MAP4K3: variants seen among roughly 807,000 people sequenced by gnomAD.
MAP4K3 encodes mitogen-activated protein kinase kinase kinase kinase 3.
MAP4K3 carries 94 observed loss-of-function variants against 143.5 expected under a neutral mutation model. That is an observed-to-expected ratio of 0.65 (90% confidence interval 0.55 to 0.78). The LOEUF (loss-of-function observed/expected upper bound fraction) is 0.78. Ranked by LOEUF, MAP4K3 falls within the 30% of genes least tolerant of loss-of-function variation. The pLI, the probability that MAP4K3 is intolerant of heterozygous loss-of-function variation, is 0.00. For missense variants in MAP4K3, 1,077 were observed against 1,068.1 expected (o/e 1.01, Z -0.12); for synonymous variants, 416 against 347.2 (o/e 1.20, Z -2.20).
intron 1 of MAP4K3, among the ~76,000 whole-genome samples, chr2:39,430,331 A>T (rs2148638037): frequency 6.6e-6 from 1 of 152,340 alleles, no homozygotes; most frequent in East Asian, 1.9e-4. Flanking sequence ...TTATGGTCAA[A>T]TCTAAAATTA....
intron 3 of MAP4K3, among the ~76,000 whole-genome samples, chr2:39,343,961 A>G (rs532488847): frequency 2.6e-5 from 4 of 152,308 alleles, no homozygotes; most frequent in African/African-American, 9.6e-5. Flanking sequence ...AAGCTGTTGT[A>G]ATCATATAGT....
chr2:39,392,274 G>A (rs186224151), intron 1 of MAP4K3, among the ~76,000 whole-genome samples: 1 of 150,838 alleles, frequency 6.6e-6, no homozygotes, highest in African/African-American at 2.4e-5. Context: ...GGGGAATGAA[G>A]ACTAAGTTTT....
At chr2:39,271,193 A>G (rs926385552) in intron 26 of MAP4K3, among the ~76,000 whole-genome samples, 2 of 152,194 alleles carry the variant, frequency 1.3e-5, no homozygotes, top group African/African-American at 2.4e-5. Flanking sequence ...AGCGTAGGTA[A>G]AATCATACCA....
At chr2:39,257,135 C>T (rs187072352) in intron 31 of MAP4K3, among the ~76,000 whole-genome samples, 29 of 152,274 alleles carry the variant, frequency 1.9e-4, no homozygotes, top group Middle Eastern at 3.4e-3. Flanking sequence ...TTAGCCTTAC[C>T]GTCTGCTAAT....
intron 8 of MAP4K3, among the ~76,000 whole-genome samples, chr2:39,328,147 A>G (rs1369221567): frequency 6.6e-6 from 1 of 152,152 alleles, no homozygotes; most frequent in African/African-American, 2.4e-5. Flanking sequence ...CCTGGGCAAC[A>G]TGGCAAAACC....
In MAP4K3 at chr2:39,288,126, G is replaced by A. The variant is rs750477737; in HGVS notation, c.1469C>T (p.Ala490Val). ...PPRLPPHKPV[A>V]LGNGMSSFQL... ...CTGTCACCCTCCACCATTACCTAAG[G>A]CAACAGGTTTGTGTGGGGGTAATCT... Residue 490 changes from alanine to valine, a missense_variant, in exon 20 of 34, where the codon GCC (alanine) becomes GTC (valine). Ala to Val is a moderately conservative substitution (Grantham distance 64). This residue lies in a region of MAP4K3 where 864 missense variants were observed against 801.2 expected (regional missense o/e 1.08). Coordinates refer to ENST00000263881, the MANE Select transcript of MAP4K3 (RefSeq NM_003618.4). 1 of 1,613,846 alleles carries A rather than the reference G, an allele frequency of 6.2e-7. No homozygotes were observed. Among genetic ancestry groups the A allele is most frequent in the Admixed American group, 1.7e-5 (1 of 59,992 alleles).
intron 24 of MAP4K3, 128 bp downstream of exon 24, chr2:39,278,274 AAAAAC>A (rs1252279617): frequency 3.7e-5 from 21 of 565,598 alleles, no homozygotes; most frequent in South Asian, 1.2e-4. Flanking sequence ...CTTGGTCTCA[AAAAAC>A]AAAACAAAAC....
At chr2:39,399,000 T>C (rs1666884791) in intron 1 of MAP4K3, among the ~76,000 whole-genome samples, 1 of 144,268 alleles carries the variant, frequency 6.9e-6, no homozygotes. Context: ...GCTGAGATCA[T>C]GCCATTGCAC....
At chr2:39,386,553 T>C (rs184391978) in intron 1 of MAP4K3, among the ~76,000 whole-genome samples, 2 of 152,362 alleles carry the variant, frequency 1.3e-5, no homozygotes, top group African/African-American at 4.8e-5. Context: ...AGTTTCATGA[T>C]ACATTTTGAG....
rs944175427 is a variant in MAP4K3 at position 39,436,995 on chromosome 2, C to G, written c.-8G>C. 1.9e-6 allele frequency: 3 copies of G among 1,607,384 alleles called. No individual in the cohort carries two copies. ...ATCGAAGCCGGGGTTCATGGCGGGC[C>G]CCAGGTGCCCCCCGCCTCCCTCCCG... On this transcript the variant is annotated 5_prime_UTR_variant, in exon 1 of 34. Transcript: ENST00000263881.
At chr2:39,371,239 AGTG>A (rs1666072808) in intron 2 of MAP4K3, among the ~76,000 whole-genome samples, 1 of 152,200 alleles carries the variant, frequency 6.6e-6, no homozygotes, top group Non-Finnish European at 1.5e-5. Flanking sequence ...ATTTAAATGA[AGTG>A]GTGTTTTGAT....
intron 16 of MAP4K3, among the ~76,000 whole-genome samples, chr2:39,296,111 G>A (rs1682272468): frequency 2.6e-5 from 4 of 152,126 alleles, no homozygotes; most frequent in Admixed American, 2.6e-4. Flanking sequence ...AAAGCAGATA[G>A]CCCATGGCTC....
intron 1 of MAP4K3, among the ~76,000 whole-genome samples, chr2:39,431,229 G>A (rs931631616): frequency 1.3e-5 from 2 of 152,192 alleles, no homozygotes; most frequent in Non-Finnish European, 2.9e-5. Flanking sequence ...TCCTCTATGA[G>A]TGCTGAGAGT....
intron 24 of MAP4K3, among the ~76,000 whole-genome samples, chr2:39,276,685 C>T (rs1049594649): frequency 2.6e-5 from 4 of 152,204 alleles, no homozygotes; most frequent in Non-Finnish European, 5.9e-5. Flanking sequence ...AAAAACACTG[C>T]GTGGACACAT....
intron 2 of MAP4K3, among the ~76,000 whole-genome samples, chr2:39,369,631 ATTC>A (rs1173889304): frequency 6.6e-6 from 1 of 152,110 alleles, no homozygotes; most frequent in Non-Finnish European, 1.5e-5. Context: ...CCATTCTCTT[ATTC>A]TACTAGCAAA....
chr2:39,356,666 T>C (rs1036579362), intron 2 of MAP4K3, among the ~76,000 whole-genome samples: 8 of 152,136 alleles, frequency 5.3e-5, no homozygotes, highest in East Asian at 3.8e-4. Flanking sequence ...AGTAAAATAA[T>C]AATAGCCTAT....
At chr2:39,290,749 C>A (rs1573103395) in intron 18 of MAP4K3, among the ~76,000 whole-genome samples, 1 of 152,154 alleles carries the variant, frequency 6.6e-6, no homozygotes, top group Admixed American at 6.5e-5. Flanking sequence ...TATTACTACT[C>A]TCTTATACCA....
Position 39,290,318 on chromosome 2 carries a change from T to C in MAP4K3, c.1288A>G (p.Lys430Glu), listed in dbSNP as rs370704144. 4 of 1,607,722 alleles carry C rather than the reference T, an allele frequency of 2.5e-6. No individual in the cohort carries two copies. In the African/African-American group the frequency reaches 4.0e-5, roughly 16 times the overall value. ...TTTGGTGGCAAAGGAGGTGGAATTT[T>C]TGCTTTCAGAGTTGAGCTAAAAACA... ...DESKHSTLKA[K>E]IPPPLPPKPK... The change falls in exon 19 of 34, where the codon AAA becomes GAA. Residue 430 changes from lysine (K) to glutamate (E), a missense_variant. Physicochemically the swap from Lys to Glu is moderately conservative, Grantham distance 56 (BLOSUM62 1). Around this residue, in one of 2 missense-constraint regions of MAP4K3, gnomAD observed 864 missense variants for 801.2 expected, o/e 1.08. Coordinates refer to ENST00000263881, the MANE Select transcript of MAP4K3 (RefSeq NM_003618.4).
chr2:39,334,820 A>G (rs1683809259), intron 6 of MAP4K3, among the ~76,000 whole-genome samples: 2 of 152,210 alleles, frequency 1.3e-5, no homozygotes, highest in African/African-American at 4.8e-5. Flanking sequence ...GTAGGAGGAA[A>G]AAACTTAAAA....
Sources: allele counts gnomAD v4.1 joint callset (sites outside exome capture counted in the v4.1 genomes callset), GRCh38; gene constraint gnomAD v4.1.1; regional missense constraint gnomAD v4.1.1; transcripts MANE v1.5; gene names NCBI Gene and HGNC (gene_info 2026-07-23, HGNC 2026-07-21).